MARCHF8: variants seen among roughly 807,000 people sequenced by gnomAD.
The protein encoded by MARCHF8 is E3 ubiquitin-protein ligase MARCHF8.
Under a neutral mutation model 51.6 loss-of-function variants are expected in MARCHF8, and 40 were observed. That is an observed-to-expected ratio of 0.77 (90% CI 0.60 to 1.01). The LOEUF (loss-of-function observed/expected upper bound fraction) is 1.01, where lower values mean the gene tolerates loss of function less well. Ranked by LOEUF, MARCHF8 falls within the 50% of genes least tolerant of loss-of-function variation. The pLI is 0.00. For synonymous variants in MARCHF8, 263 were observed against 280.3 expected (o/e 0.94, Z 0.62); for missense variants, 685 against 708.6 (o/e 0.97, Z 0.38).
intron 1 of MARCHF8, among the ~76,000 whole-genome samples, chr10:45,541,521 T>TA (rs2044052385): frequency 6.6e-6 from 1 of 152,200 alleles, no homozygotes; most frequent in African/African-American, 2.4e-5. Flanking sequence ...TATACATATG[T>TA]AACAAACCTG....
intron 3 of MARCHF8, among the ~76,000 whole-genome samples, chr10:45,464,594 C>G (rs1842907846): frequency 6.6e-6 from 1 of 152,174 alleles, no homozygotes; most frequent in Admixed American, 6.5e-5. Context: ...CGTTTATTTT[C>G]TAAGCATCTA....
chr10:45,551,468 C>G (rs923197585), intron 1 of MARCHF8, among the ~76,000 whole-genome samples: 1 of 151,990 alleles, frequency 6.6e-6, no homozygotes, highest in African/African-American at 2.4e-5. Context: ...AACTCCTAGG[C>G]TCAAGTGATC....
rs552190634 is a variant in MARCHF8, at chr10:45,512,056, C to T, written c.102+21054G>A. ...CTAGGAAGTAAGGAGCGTCTCTGCCCGGCCGCCCATCGCCTGAGATGTGGG... is the reference window on the plus strand; with the variant it reads ...CTAGGAAGTAAGGAGCGTCTCTGCCTGGCCGCCCATCGCCTGAGATGTGGG... On this transcript the variant is annotated intron_variant, in intron 2 of 7. Transcript: ENST00000453424. 4.6e-5 allele frequency among the ~76,000 whole-genome samples: 7 copies of T among 150,718 alleles called. No homozygotes were observed. In the East Asian group the frequency reaches 1.4e-3, roughly 30 times the overall value.
At chr10:45,509,933 T>C (rs761836728) in intron 2 of MARCHF8, among the ~76,000 whole-genome samples, 5 of 152,198 alleles carry the variant, frequency 3.3e-5, no homozygotes, top group Non-Finnish European at 5.9e-5. Context: ...TTAAGAACTT[T>C]AAGGAACTTT....
chr10:45,520,469 C>T (rs1020339122), intron 2 of MARCHF8, among the ~76,000 whole-genome samples: 5 of 152,114 alleles, frequency 3.3e-5, no homozygotes, highest in Non-Finnish European at 7.3e-5. Flanking sequence ...AAAATCAATG[C>T]TGAAGTAGTG....
chr10:45,463,042 G>A, intron 5 of MARCHF8, 109 bp downstream of exon 5: 1 of 1,373,478 alleles, frequency 7.3e-7, no homozygotes, highest in Non-Finnish European at 9.7e-7. Context: ...ACCCACAACT[G>A]GTTACAACTT....
At chr10:45,491,672 G>T (rs1330240490) in intron 2 of MARCHF8, among the ~76,000 whole-genome samples, 1 of 152,228 alleles carries the variant, frequency 6.6e-6, no homozygotes, top group Non-Finnish European at 1.5e-5. Flanking sequence ...CATTAGTCAA[G>T]AATGTACTTA....
chr10:45,554,693 G>A (rs2044231992), intron 1 of MARCHF8, among the ~76,000 whole-genome samples: 3 of 152,172 alleles, frequency 2.0e-5, no homozygotes, highest in Admixed American at 2.0e-4. Flanking sequence ...ACTGAGGCAG[G>A]GGGATCACCG....
In MARCHF8 at chr10:45,457,908, A is replaced by C; in HGVS notation, c.*331T>G. 3.7e-6 allele frequency: 1 copy of C among 269,968 alleles called. No homozygotes were observed. Among genetic ancestry groups the C allele is most frequent in the Middle Eastern group, 1.1e-3 (1 of 922 alleles). 16.7% of individuals were successfully genotyped at this position (269,968 alleles called of 1,614,324 possible). ...GGCGGCTGGGTATCAGGGCCTGGGCACCCCTGCTCCTCCTCTTCCCTTGGG... is the reference window on the plus strand; with the variant it reads ...GGCGGCTGGGTATCAGGGCCTGGGCCCCCCTGCTCCTCCTCTTCCCTTGGG... On this transcript the variant is annotated 3_prime_UTR_variant, in exon 8 of 8. Transcript: ENST00000453424.
intron 2 of MARCHF8, among the ~76,000 whole-genome samples, chr10:45,527,959 A>C (rs144783405): frequency 1.4e-3 from 218 of 152,366 alleles, no homozygotes; most frequent in African/African-American, 5.0e-3. Context: ...TACAAAAATC[A>C]ATAAATGTGA....
chr10:45,501,105 A>G (rs1044905763), intron 2 of MARCHF8, among the ~76,000 whole-genome samples: 2 of 151,786 alleles, frequency 1.3e-5, no homozygotes, highest in Non-Finnish European at 2.9e-5. Flanking sequence ...CCAAATTGAT[A>G]AACAGCTTAA....
chr10:45,533,681 G>A (rs1047892846), intron 1 of MARCHF8, among the ~76,000 whole-genome samples: 1 of 152,094 alleles, frequency 6.6e-6, no homozygotes, highest in Admixed American at 6.5e-5. Flanking sequence ...CTGTCTGTGA[G>A]TCCACATAAT....
At chr10:45,488,262 A>C (rs1313845646) in intron 3 of MARCHF8, among the ~76,000 whole-genome samples, 2 of 152,158 alleles carry the variant, frequency 1.3e-5, no homozygotes, top group African/African-American at 4.8e-5. Context: ...AGCAGATTTC[A>C]GGCGGCCAGG....
At chr10:45,537,747 G>A (rs75533290), upstream of MARCHF8, among the ~76,000 whole-genome samples, 1,889 of 152,080 alleles carry the variant, frequency 0.012, 15 homozygotes, top group Middle Eastern at 0.041. Context: ...AATGCCCAGA[G>A]GAGATAAATC....
intron 2 of MARCHF8, 146 bp downstream of exon 2, chr10:45,532,964 C>T: frequency 1.9e-6 from 1 of 518,374 alleles, no homozygotes; most frequent in East Asian, 3.7e-5. Flanking sequence ...TACAAAAAGA[C>T]AATTCCTTCT....
intron 1 of MARCHF8, among the ~76,000 whole-genome samples, chr10:45,540,866 G>A (rs920552440): frequency 3.1e-4 from 47 of 152,274 alleles, no homozygotes; most frequent in African/African-American, 9.9e-4. Context: ...AAACCACAAT[G>A]AGATACCATC....
intron 1 of MARCHF8, among the ~76,000 whole-genome samples, chr10:45,548,797 C>T (rs565660095): frequency 6.6e-6 from 1 of 151,996 alleles, no homozygotes; most frequent in Non-Finnish European, 1.5e-5. Context: ...GAGTTCGTGA[C>T]CAGCCTGGCC....
intron 2 of MARCHF8, among the ~76,000 whole-genome samples, chr10:45,528,069 C>T (rs2043820753): frequency 6.6e-6 from 1 of 152,142 alleles, no homozygotes. Flanking sequence ...ATAAAAACCA[C>T]TCAACAACTT....
chr10:45,553,795 G>A (rs756998545), intron 1 of MARCHF8, among the ~76,000 whole-genome samples: 3 of 151,952 alleles, frequency 2.0e-5, no homozygotes, highest in African/African-American at 4.8e-5. Flanking sequence ...ACGGGATTAG[G>A]AGGCAGAAAC....
Sources: allele counts gnomAD v4.1 joint callset (sites outside exome capture counted in the v4.1 genomes callset), GRCh38; gene constraint gnomAD v4.1.1; transcripts MANE v1.5; gene names NCBI Gene and HGNC (gene_info 2026-07-23, HGNC 2026-07-21).